The following FREM1 variants were observed in gnomAD, a reference collection of about 807,000 sequenced individuals.
FREM1 encodes the protein FRAS1 related extracellular matrix 1.
A neutral mutation model predicts 210.1 loss-of-function variants in FREM1; 220 were observed. That is an observed-to-expected ratio of 1.05 (90% CI 0.94 to 1.17). The LOEUF is 1.17. FREM1 is among the 50% of genes most tolerant of loss of function. The pLI is 0.00. For synonymous variants in FREM1, 1,189 were observed against 980.2 expected (o/e 1.21, Z -3.98); for missense variants, 3,454 against 2,675.5 (o/e 1.29, Z -6.42).
intron 13 of FREM1, among the ~76,000 whole-genome samples, chr9:14,821,139 G>T (rs1274868499): frequency 6.6e-6 from 1 of 152,158 alleles, no homozygotes; most frequent in East Asian, 1.9e-4. Context: ...TCCTCCCGTG[G>T]TTATCACTTG....
chr9:14,847,611 C>T (rs1022348911), intron 7 of FREM1, among the ~76,000 whole-genome samples: 1 of 152,082 alleles, frequency 6.6e-6, no homozygotes, highest in Non-Finnish European at 1.5e-5. Flanking sequence ...AAAATATTAA[C>T]ATTGGTTATA....
At chr9:14,745,799 G>A (rs1450869780) in intron 35 of FREM1, among the ~76,000 whole-genome samples, 1 of 152,184 alleles carries the variant, frequency 6.6e-6, no homozygotes, top group African/African-American at 2.4e-5. Flanking sequence ...TACATTGGTT[G>A]TCATTCTCTG....
chr9:14,818,194 C>A (rs983961745), intron 14 of FREM1, among the ~76,000 whole-genome samples: 2 of 152,202 alleles, frequency 1.3e-5, no homozygotes, highest in African/African-American at 4.8e-5. Flanking sequence ...ATAGTTCTAG[C>A]AAATATTGGT....
Position 14,823,888 on chromosome 9 carries a change from T to C in FREM1, c.2169+137A>G, listed in dbSNP as rs567257034. 156 of 476,032 alleles carry C rather than the reference T, an allele frequency of 3.3e-4. 1 individual carries two copies. In the Middle Eastern group the frequency reaches 3.7e-3, roughly 11 times the overall value. 29.5% of individuals were successfully genotyped at this position (476,032 alleles called of 1,614,324 possible). A position where few individuals can be genotyped will look rare whatever the true frequency, so the allele number is the denominator to read the frequency against. On this transcript the variant is annotated intron_variant, in intron 12 of 36. Coordinates refer to ENST00000380880, the MANE Select transcript of FREM1 (RefSeq NM_001379081.2). ...AGATGCCACACACTTAATGGAAACATACAAGTAGCAAGTATAAAGATGTCA... is the reference window on the plus strand; with the variant it reads ...AGATGCCACACACTTAATGGAAACACACAAGTAGCAAGTATAAAGATGTCA...
chr9:14,784,132 C>T, intron 24 of FREM1: 1 of 413,452 alleles, frequency 2.4e-6, no homozygotes, highest in Non-Finnish European at 4.3e-6. Flanking sequence ...TTACATACAA[C>T]AAGACAGTAA....
At chr9:14,894,211 G>C (rs1402665979) in intron 1 of FREM1, among the ~76,000 whole-genome samples, 1 of 152,106 alleles carries the variant, frequency 6.6e-6, no homozygotes, top group Non-Finnish European at 1.5e-5. Flanking sequence ...TATGTTACTG[G>C]TATGTGTTCC....
chr9:14,859,561 C>T, intron 3 of FREM1, 77 bp from the exon 4 acceptor site: 1 of 1,282,674 alleles, frequency 7.8e-7, no homozygotes, highest in Non-Finnish European at 1.1e-6. Context: ...AGCTGGAAGA[C>T]TAAAGATTGG....
rs1011610343 is a variant in FREM1, at chr9:14,776,244, G to C, written c.4443-41C>G. The C allele has an allele frequency of 2.0e-6, 3 of 1,502,290 alleles. No homozygotes were observed. In the African/African-American group the frequency reaches 4.2e-5, roughly 21 times the overall value. 93.1% of individuals were successfully genotyped at this position (1,502,290 alleles called of 1,614,324 possible). A position where few individuals can be genotyped will look rare whatever the true frequency, so the allele number is the denominator to read the frequency against. ...AAGGCAGCCTTCAGCATGGATTCTT[G>C]TGTCACCATCTACTGGAATGAAATG... On this transcript the variant is annotated intron_variant, in intron 24 of 36. Coordinates refer to ENST00000380880, the MANE Select transcript of FREM1 (RefSeq NM_001379081.2).
At chr9:14,837,010 G>A (rs559327923) in intron 10 of FREM1, among the ~76,000 whole-genome samples, 1 of 152,188 alleles carries the variant, frequency 6.6e-6, no homozygotes, top group Non-Finnish European at 1.5e-5. Context: ...TTAGTCAGGT[G>A]GGCAACCTTT....
At position 14,775,937 on chromosome 9, in the gene FREM1, T is replaced by C. The variant is rs772545720; in HGVS notation, c.4709A>G (p.Gln1570Arg). ...TGLLQHNFTQ[Q>R]DVDSKNVAYR... ...GGCCACATTCTTGCTGTCCACATCC[T>C]GCTGGGTGAAATTGTGTTGAAGTAG... The change falls in exon 25 of 37, where the codon CAG becomes CGG. Residue 1570 changes from glutamine (Q) to arginine (R), a missense_variant. Physicochemically the swap from Gln to Arg is conservative, Grantham distance 43. Transcript: ENST00000380880. The C allele has an allele frequency of 3.1e-6, 5 of 1,613,988 alleles. No homozygotes were observed. The highest frequency in any genetic ancestry group is 3.4e-6 in the Non-Finnish European group (4 of 1,179,872).
intron 28 of FREM1, among the ~76,000 whole-genome samples, chr9:14,758,902 G>C (rs2132235403): frequency 6.6e-6 from 1 of 152,290 alleles, no homozygotes; most frequent in South Asian, 2.1e-4. Flanking sequence ...ATTTCAGGGT[G>C]CCTGTATTAG....
chr9:14,808,370 A>G (rs1818755941), intron 16 of FREM1, among the ~76,000 whole-genome samples: 1 of 152,220 alleles, frequency 6.6e-6, no homozygotes, highest in African/African-American at 2.4e-5. Context: ...ATCTATCATG[A>G]TAAGGAGGGA....
intron 10 of FREM1, among the ~76,000 whole-genome samples, chr9:14,835,352 T>C (rs1450642401): frequency 6.6e-6 from 1 of 152,228 alleles, no homozygotes; most frequent in East Asian, 1.9e-4. Flanking sequence ...CTTATGGCAA[T>C]ACAGTTGTTT....
chr9:14,737,358 G>T lies in FREM1; in HGVS notation c.*38C>A. 6.6e-7 allele frequency: 1 copy of T among 1,512,202 alleles called. No homozygotes were observed. Among genetic ancestry groups the T allele is most frequent in the Non-Finnish European group, 9.1e-7 (1 of 1,096,716 alleles). 93.7% of individuals were successfully genotyped at this position (1,512,202 alleles called of 1,614,324 possible). On this transcript the variant is annotated 3_prime_UTR_variant, in exon 37 of 37. Transcript: ENST00000380880. ...TCACAGATCCTGTGAATAAATAGGT[G>T]ACAAACTCCAGGTGGCCCCCTGTAG...
intron 6 of FREM1, chr9:14,850,411 T>G (rs1827490177): frequency 6.7e-6 from 1 of 149,108 alleles, no homozygotes; most frequent in South Asian, 2.2e-4. Flanking sequence ...TAAAAGAATT[T>G]ATTAATAAAA....
chr9:14,794,868 G>A (rs1852069205), intron 21 of FREM1, among the ~76,000 whole-genome samples: 1 of 151,856 alleles, frequency 6.6e-6, no homozygotes, highest in East Asian at 1.9e-4. Context: ...CGTGGTGGCA[G>A]GCGCCTGTAG....
At chr9:14,810,112 G>A (rs1235339302) in intron 16 of FREM1, among the ~76,000 whole-genome samples, 2 of 152,190 alleles carry the variant, frequency 1.3e-5, no homozygotes, top group East Asian at 3.9e-4. Context: ...GCTTTGTGCT[G>A]AGCATTAAAG....
chr9:14,848,072 A>C (rs1433756985), intron 7 of FREM1, among the ~76,000 whole-genome samples: 2 of 152,198 alleles, frequency 1.3e-5, no homozygotes, highest in African/African-American at 4.8e-5. Flanking sequence ...AATACTATCT[A>C]CCACCACTGC....
intron 36 of FREM1, among the ~76,000 whole-genome samples, chr9:14,738,559 A>G (rs916533250): frequency 2.6e-5 from 4 of 151,104 alleles, no homozygotes; most frequent in African/African-American, 9.8e-5. Flanking sequence ...TACTCAGTTC[A>G]TTTCAGAATT....
Sources: gnomAD v4.1 joint callset for allele counts (sites outside exome capture counted in the v4.1 genomes callset) on GRCh38, gnomAD v4.1.1 for gene constraint, MANE v1.5 for transcripts, NCBI Gene and HGNC (gene_info 2026-07-23, HGNC 2026-07-21) for gene names.